The following PHEX variants were observed in gnomAD, a reference collection of about 807,000 sequenced individuals.
PHEX encodes phosphate-regulating neutral endopeptidase PHEX.
PHEX carries 16 observed loss-of-function variants against 68.0 expected under a neutral mutation model. The ratio of observed to expected loss-of-function variants is 0.24; its 90% confidence interval spans 0.16 to 0.36. PHEX has a LOEUF of 0.36. Among genes scored for constraint, PHEX ranks in the 10% least tolerant of loss-of-function variants. The pLI is 1.00. For missense variants in PHEX, 480 were observed against 575.5 expected (o/e 0.83, Z 1.70); for synonymous variants, 208 against 205.1 (o/e 1.01, Z -0.12).
chrX:22,172,626 G>A, intron 13 of PHEX: 1 of 113,304 alleles, frequency 8.8e-6, no homozygotes, highest in East Asian at 2.8e-4. Context: ...CAGCAACACA[G>A]CACCCTTTTC....
chrX:22,074,712 G>T (rs1391344720), intron 3 of PHEX, among the ~76,000 whole-genome samples: 3 of 111,002 alleles, frequency 2.7e-5, no homozygotes, highest in Admixed American at 9.6e-5. Flanking sequence ...GAGCCGATTT[G>T]AATGGAAATA....
chrX:22,171,316 T>A (rs1441305238), intron 13 of PHEX: 1 of 110,397 alleles, frequency 9.1e-6, no homozygotes. Context: ...GAACTCACTA[T>A]CACAAGAACA....
intron 12 of PHEX, among the ~76,000 whole-genome samples, chrX:22,162,183 G>T (rs918236546): frequency 1.8e-5 from 2 of 111,886 alleles, no homozygotes; most frequent in Non-Finnish European, 3.8e-5. Flanking sequence ...TCCAACTTTT[G>T]GGGGGCTGCA....
chrX:22,164,000 A>G (rs1047376868), intron 12 of PHEX, among the ~76,000 whole-genome samples: 1 of 111,602 alleles, frequency 9.0e-6, no homozygotes, highest in East Asian at 2.8e-4. Context: ...CTTGTACACC[A>G]AAGAGGTCTT....
At chrX:22,167,139 A>G (rs184087076) in intron 12 of PHEX, among the ~76,000 whole-genome samples, 1 of 111,688 alleles carries the variant, frequency 9.0e-6, no homozygotes. Context: ...TACTGATTTC[A>G]TTTCCTTTGG....
intron 15 of PHEX, among the ~76,000 whole-genome samples, chrX:22,196,988 A>C (rs1934388580): frequency 8.9e-6 from 1 of 112,250 alleles, no homozygotes; most frequent in South Asian, 3.7e-4. Flanking sequence ...CTGAAACCAT[A>C]AAGTAAAAGC....
chrX:22,135,024 T>G (rs2147088115), intron 12 of PHEX, among the ~76,000 whole-genome samples: 1 of 112,507 alleles, frequency 8.9e-6, no homozygotes, highest in South Asian at 3.7e-4. Context: ...TCTAGTGCTT[T>G]AAACTCATGG....
intron 13 of PHEX, among the ~76,000 whole-genome samples, chrX:22,170,438 C>G (rs920639743): frequency 1.8e-5 from 2 of 111,404 alleles, no homozygotes; most frequent in African/African-American, 6.5e-5. Flanking sequence ...GTTATGTATC[C>G]TCTCTGTGCC....
chrX:22,180,103 A>G (rs1170337098), intron 14 of PHEX, among the ~76,000 whole-genome samples: 1 of 109,184 alleles, frequency 9.2e-6, no homozygotes, highest in Non-Finnish European at 1.9e-5. Flanking sequence ...TCAGTTTTTT[A>G]ACTCTTATTT....
At chrX:22,235,631 C>A (rs1308541840) in intron 20 of PHEX, among the ~76,000 whole-genome samples, 1 of 111,420 alleles carries the variant, frequency 9.0e-6, no homozygotes, top group Non-Finnish European at 1.9e-5. Flanking sequence ...AATTGCCTCC[C>A]AAAGGCCCAA....
At chrX:22,055,222 T>C (rs1255374044) in intron 3 of PHEX, among the ~76,000 whole-genome samples, 2 of 44,093 alleles carry the variant, frequency 4.5e-5, no homozygotes, top group Admixed American at 6.4e-4. Flanking sequence ...AAAACAGACC[T>C]AGTGCTAGAT....
At chrX:22,160,284 C>A (rs972597357) in intron 12 of PHEX, among the ~76,000 whole-genome samples, 13 of 111,678 alleles carry the variant, frequency 1.2e-4, no homozygotes, top group Admixed American at 1.1e-3. Flanking sequence ...CACAGTGTCT[C>A]ACGCCTGTAA....
intron 16 of PHEX, among the ~76,000 whole-genome samples, chrX:22,217,260 G>A (rs186974021): frequency 1.8e-5 from 2 of 112,377 alleles, no homozygotes; most frequent in East Asian, 5.6e-4. Flanking sequence ...GTCCCACACT[G>A]CTATGATAGC....
intron 5 of PHEX, among the ~76,000 whole-genome samples, chrX:22,083,137 G>C (rs2147027167): frequency 8.9e-6 from 1 of 112,238 alleles, no homozygotes; most frequent in East Asian, 2.8e-4. Context: ...GCCATATGCA[G>C]AAGATTGAAA....
At chrX:22,094,634 G>A (rs760372083) in intron 7 of PHEX, among the ~76,000 whole-genome samples, 10 of 111,934 alleles carry the variant, frequency 8.9e-5, no homozygotes, top group Non-Finnish European at 1.3e-4. Context: ...ATTTTTAAAC[G>A]ACCTTTCTGG....
At chrX:22,197,362 GA>G (rs1039594240) in intron 15 of PHEX, among the ~76,000 whole-genome samples, 2 of 111,389 alleles carry the variant, frequency 1.8e-5, no homozygotes, top group African/African-American at 6.5e-5. Flanking sequence ...GGATGCTATG[GA>G]AATTCTAGAT....
intron 12 of PHEX, among the ~76,000 whole-genome samples, chrX:22,159,555 A>G (rs1014402393): frequency 8.9e-6 from 1 of 112,102 alleles, no homozygotes; most frequent in Non-Finnish European, 1.9e-5. Flanking sequence ...TAAACAACCA[A>G]AAGAAGAATA....
chrX:22,098,430 A>AGT (rs1930246884), intron 8 of PHEX, among the ~76,000 whole-genome samples: 1 of 107,229 alleles, frequency 9.3e-6, no homozygotes, highest in African/African-American at 3.4e-5. Flanking sequence ...TTACTGTGTT[A>AGT]GTGTGTGTGT....
chrX:22,212,790 C>T (rs1308540386), intron 15 of PHEX, 114 bp from the exon 16 acceptor site: 2 of 582,937 alleles, frequency 3.4e-6, no homozygotes, highest in African/African-American at 2.2e-5. Context: ...GCTCCCAGTG[C>T]CAGGAGGAGT....
Sources: gnomAD v4.1 joint callset for allele counts (sites outside exome capture counted in the v4.1 genomes callset) on GRCh38, gnomAD v4.1.1 for gene constraint, MANE v1.5 for transcripts, NCBI Gene and HGNC (gene_info 2026-07-23, HGNC 2026-07-21) for gene names.